The following DOCK3 variants were observed in gnomAD, a reference collection of about 807,000 sequenced individuals.
DOCK3 encodes the protein dedicator of cytokinesis protein 3.
A neutral mutation model predicts 265.6 loss-of-function variants in DOCK3; 60 were observed. That is an observed-to-expected ratio of 0.23 (90% CI 0.18 to 0.28). The LOEUF (loss-of-function observed/expected upper bound fraction) is 0.28. DOCK3 is among the 10% of genes least tolerant of loss of function. The pLI is 1.00. For missense variants in DOCK3, 1,981 were observed against 2,594.3 expected (o/e 0.76, Z 5.14); for synonymous variants, 881 against 938.0 (o/e 0.94, Z 1.11).
chr3:51,246,894 G>A (rs1164031382), intron 22 of DOCK3, 87 bp downstream of exon 22: 4 of 1,325,250 alleles, frequency 3.0e-6, no homozygotes, highest in Non-Finnish European at 4.2e-6. Context: ...CAGGACAAAT[G>A]TAGACATCGC....
chr3:51,344,903 G>A (rs1209000321), intron 38 of DOCK3, among the ~76,000 whole-genome samples: 2 of 152,190 alleles, frequency 1.3e-5, no homozygotes, highest in East Asian at 3.8e-4. Context: ...TGGTGGAGAG[G>A]GGTGCCTTGG....
chr3:50,959,597 T>A (rs1172441237), intron 5 of DOCK3, among the ~76,000 whole-genome samples: 1 of 151,630 alleles, frequency 6.6e-6, no homozygotes, highest in African/African-American at 2.4e-5. Context: ...TTATTTATTT[T>A]GAGATGGAGT....
At chr3:51,231,121 CTTTTTTT>C (rs754271357) in intron 19 of DOCK3, among the ~76,000 whole-genome samples, 6 of 77,738 alleles carry the variant, frequency 7.7e-5, no homozygotes, top group African/African-American at 2.5e-4. Flanking sequence ...TATTTTTTGA[CTTTTTTT>C]TTTTTTTTTT....
intron 5 of DOCK3, among the ~76,000 whole-genome samples, chr3:51,048,034 C>G (rs757416493): frequency 3.3e-5 from 5 of 152,106 alleles, no homozygotes; most frequent in Non-Finnish European, 7.4e-5. Context: ...GATCATACAT[C>G]AAACCAGTAA....
chr3:50,914,085 C>CT (rs988327990), intron 4 of DOCK3, among the ~76,000 whole-genome samples: 6 of 129,672 alleles, frequency 4.6e-5, no homozygotes, highest in African/African-American at 1.3e-4. Context: ...TTATTTGGGT[C>CT]TTTTTTTTCA....
At chr3:50,697,510 A>G (rs528203168) in intron 1 of DOCK3, among the ~76,000 whole-genome samples, 7 of 152,162 alleles carry the variant, frequency 4.6e-5, no homozygotes, top group African/African-American at 1.7e-4. Context: ...AGAATCACCT[A>G]AGCCCAGGAG....
chr3:50,874,056 C>CTT (rs2047573246), intron 3 of DOCK3, among the ~76,000 whole-genome samples: 1 of 109,964 alleles, frequency 9.1e-6, no homozygotes. Context: ...TTTTTTTTTT[C>CTT]TTTTCTTTTG....
At chr3:51,279,415 C>T (rs143107509) in intron 26 of DOCK3, among the ~76,000 whole-genome samples, 1 of 152,312 alleles carries the variant, frequency 6.6e-6, no homozygotes, top group Non-Finnish European at 1.5e-5. Context: ...CCATGCTTGA[C>T]TGCCTCCTGC....
chr3:51,166,695 G>A (rs2086424942), intron 12 of DOCK3, among the ~76,000 whole-genome samples: 1 of 152,054 alleles, frequency 6.6e-6, no homozygotes, highest in African/African-American at 2.4e-5. Flanking sequence ...TTTTTGATTT[G>A]TATTTTCCTG....
At chr3:51,015,141 G>C (rs1268877284) in intron 5 of DOCK3, among the ~76,000 whole-genome samples, 1 of 151,952 alleles carries the variant, frequency 6.6e-6, no homozygotes, top group East Asian at 1.9e-4. Context: ...TGGTCTAATT[G>C]CTCCAGCTAG....
At chr3:50,881,079 C>G (rs907301726) in intron 3 of DOCK3, among the ~76,000 whole-genome samples, 8 of 152,088 alleles carry the variant, frequency 5.3e-5, no homozygotes, top group African/African-American at 1.7e-4. Context: ...ATTCAACAGC[C>G]CTTCATAATA....
intron 5 of DOCK3, among the ~76,000 whole-genome samples, chr3:51,017,154 A>G (rs1021875277): frequency 1.3e-5 from 2 of 149,310 alleles, no homozygotes; most frequent in Non-Finnish European, 3.0e-5. Flanking sequence ...AGGTTTTTCA[A>G]TTTATTGGTG....
At chr3:50,685,487 G>T (rs527776793) in intron 1 of DOCK3, 1 of 152,636 alleles carries the variant, frequency 6.6e-6, no homozygotes, top group Non-Finnish European at 1.5e-5. Context: ...TGATTATGAC[G>T]GTTATGATGT....
intron 14 of DOCK3, among the ~76,000 whole-genome samples, chr3:51,218,601 C>T (rs896293050): frequency 2.0e-5 from 3 of 152,052 alleles, no homozygotes; most frequent in South Asian, 2.1e-4. Flanking sequence ...AGGGCTTTGT[C>T]GTGGTTTTTT....
At chr3:50,810,550 T>A (rs1052553179) in intron 2 of DOCK3, among the ~76,000 whole-genome samples, 9 of 151,664 alleles carry the variant, frequency 5.9e-5, no homozygotes, top group East Asian at 1.9e-4. Context: ...CTGAAAAAAA[T>A]TTTTTTTTAA....
intron 2 of DOCK3, among the ~76,000 whole-genome samples, chr3:50,794,456 C>T (rs760583842): frequency 9.2e-5 from 14 of 152,102 alleles, no homozygotes; most frequent in Admixed American, 2.6e-4. Flanking sequence ...TAAGTCTTCT[C>T]GTTGAATTGA....
chr3:50,832,077 G>A (rs2107125433), intron 2 of DOCK3, among the ~76,000 whole-genome samples: 1 of 152,114 alleles, frequency 6.6e-6, no homozygotes, highest in South Asian at 2.1e-4. Flanking sequence ...TGATGAGATT[G>A]TTTCAACAAA....
intron 37 of DOCK3, among the ~76,000 whole-genome samples, chr3:51,340,358 TC>T (rs2085160832): frequency 6.6e-6 from 1 of 152,170 alleles, no homozygotes; most frequent in African/African-American, 2.4e-5. Context: ...AGAAAAGGCT[TC>T]CTGATCCCAT....
intron 9 of DOCK3, among the ~76,000 whole-genome samples, chr3:51,091,984 C>T (rs977950369): frequency 4.6e-5 from 7 of 152,182 alleles, no homozygotes; most frequent in African/African-American, 1.4e-4. Flanking sequence ...CCAGATAGTG[C>T]GCTTGTCCCA....
Sources: allele counts gnomAD v4.1 joint callset (sites outside exome capture counted in the v4.1 genomes callset), GRCh38; gene constraint gnomAD v4.1.1; transcripts MANE v1.5; gene names NCBI Gene and HGNC (gene_info 2026-07-23, HGNC 2026-07-21).